The following RAB3IP variants were observed in gnomAD, a reference collection of about 807,000 sequenced individuals.
RAB3IP encodes RAB3A interacting protein, also known as rab-3A-interacting protein.
Under a neutral mutation model 59.1 loss-of-function variants are expected in RAB3IP, and 36 were observed. The ratio of observed to expected loss-of-function variants is 0.61; its 90% CI spans 0.47 to 0.80. RAB3IP has a LOEUF of 0.80. Among genes scored for constraint, RAB3IP ranks in the 30% least tolerant of loss-of-function variants. RAB3IP has a pLI of 0.00. For synonymous variants in RAB3IP, 207 were observed against 191.2 expected (o/e 1.08, Z -0.68); for missense variants, 511 against 536.0 (o/e 0.95, Z 0.46).
At chr12:69,756,821 G>A (rs911492618) in intron 3 of RAB3IP, among the ~76,000 whole-genome samples, 158 bp downstream of exon 3, 2 of 152,154 alleles carry the variant, frequency 1.3e-5, no homozygotes, top group Non-Finnish European at 2.9e-5. Context: ...TTAGGAATCC[G>A]TGAAACTGGT....
intron 3 of RAB3IP, among the ~76,000 whole-genome samples, chr12:69,762,756 CAAAAAAAAA>C (rs11445702): frequency 1.4e-4 from 11 of 76,768 alleles, no homozygotes; most frequent in Admixed American, 2.0e-4. Flanking sequence ...GACTCCGTCT[CAAAAAAAAA>C]AAAAAAAAAA....
In RAB3IP at chr12:69,812,844, CTAT is replaced by C. The variant is rs1417688054; in HGVS notation, c.1204_1206del (p.Tyr402del). On this transcript the variant is annotated inframe_deletion, in exon 9 of 11. Transcript: ENST00000247833. ...GAATTAAATTAGGGGACTCAAGCAACTATTATTATATTTCTCCTTTTTGCAGAT... is the reference window on the plus strand; with the variant it reads ...GAATTAAATTAGGGGACTCAAGCAACTATTATATTTCTCCTTTTTGCAGAT... The C allele has an allele frequency of 1.2e-6, 2 of 1,612,998 alleles. No individual in the cohort carries two copies. The highest frequency in any genetic ancestry group is 8.5e-7 in the Non-Finnish European group (1 of 1,179,022).
chr12:69,772,409 A>G (rs1409908571), intron 3 of RAB3IP, among the ~76,000 whole-genome samples: 2 of 152,176 alleles, frequency 1.3e-5, no homozygotes, highest in African/African-American at 4.8e-5. Context: ...TACATTCAAC[A>G]TAATTATTAA....
intron 8 of RAB3IP, among the ~76,000 whole-genome samples, chr12:69,809,719 CGTA>C (rs1880096853): frequency 6.6e-6 from 1 of 152,182 alleles, no homozygotes; most frequent in Non-Finnish European, 1.5e-5. Context: ...GCATTCGTCA[CGTA>C]GTTCTCATGC....
intron 3 of RAB3IP, among the ~76,000 whole-genome samples, chr12:69,767,267 C>G (rs1009375385): frequency 6.6e-6 from 1 of 152,124 alleles, no homozygotes; most frequent in African/African-American, 2.4e-5. Context: ...CTTCTTTCAG[C>G]AGGTTTTATA....
intron 3 of RAB3IP, among the ~76,000 whole-genome samples, chr12:69,769,686 C>G (rs1357380916): frequency 1.3e-5 from 2 of 152,194 alleles, no homozygotes; most frequent in East Asian, 1.9e-4. Flanking sequence ...AAGTACTCAA[C>G]AGCATTACAG....
chr12:69,765,949 T>C, intron 3 of RAB3IP, among the ~76,000 whole-genome samples: 1 of 152,254 alleles, frequency 6.6e-6, no homozygotes, highest in Non-Finnish European at 1.5e-5. Flanking sequence ...TTCTTTTCTT[T>C]CAGAATGCTG....
chr12:69,770,033 A>G (rs1287234289), intron 3 of RAB3IP, among the ~76,000 whole-genome samples: 1 of 149,792 alleles, frequency 6.7e-6, no homozygotes, highest in Non-Finnish European at 1.5e-5. Context: ...ACAGAAAGGC[A>G]CAAAAAAGCA....
At chr12:69,790,003 C>T (rs11177851) in intron 4 of RAB3IP, among the ~76,000 whole-genome samples, 50,226 of 151,944 alleles carry the variant, frequency 0.33, 8,616 homozygotes, top group Non-Finnish European at 0.37. Context: ...AAAGCTTTTC[C>T]TCTAAGATCT....
intron 4 of RAB3IP, among the ~76,000 whole-genome samples, chr12:69,793,961 A>C (rs1478595057): frequency 1.3e-5 from 2 of 152,190 alleles, no homozygotes; most frequent in African/African-American, 2.4e-5. Context: ...CACATAATAA[A>C]ATTTTGGGAA....
chr12:69,758,404 CT>C (rs1565879420), intron 3 of RAB3IP, among the ~76,000 whole-genome samples: 1 of 152,048 alleles, frequency 6.6e-6, no homozygotes, highest in South Asian at 2.1e-4. Flanking sequence ...TGTATCCTTT[CT>C]TTTGAATTAA....
intron 1 of RAB3IP, among the ~76,000 whole-genome samples, chr12:69,752,702 T>A (rs1300560401): frequency 6.6e-6 from 1 of 152,172 alleles, no homozygotes; most frequent in Non-Finnish European, 1.5e-5. Context: ...ACCTTCAGGA[T>A]ATAAAGAGGT....
intron 4 of RAB3IP, among the ~76,000 whole-genome samples, chr12:69,786,751 T>G (rs888042917): frequency 2.0e-5 from 3 of 152,012 alleles, no homozygotes; most frequent in Non-Finnish European, 4.4e-5. Flanking sequence ...GAAAGAAACT[T>G]CTCCCTGTAA....
chr12:69,798,910 T>C (rs797006171), intron 6 of RAB3IP, among the ~76,000 whole-genome samples: 1 of 152,182 alleles, frequency 6.6e-6, no homozygotes, highest in Non-Finnish European at 1.5e-5. Context: ...AAATTGGAGA[T>C]GTGACATCTC....
At chr12:69,804,515 C>A (rs893020879) in intron 8 of RAB3IP, among the ~76,000 whole-genome samples, 65 of 152,316 alleles carry the variant, frequency 4.3e-4, no homozygotes, top group African/African-American at 1.5e-3. Flanking sequence ...TCCCATTTGT[C>A]AATTTTGGCT....
chr12:69,746,680 T>G (rs563014474), intron 1 of RAB3IP, among the ~76,000 whole-genome samples: 8 of 152,332 alleles, frequency 5.3e-5, no homozygotes, highest in African/African-American at 1.9e-4. Context: ...ATAAATGTAT[T>G]TAATATGTAT....
chr12:69,775,284 G>A (rs1477497211), intron 3 of RAB3IP, among the ~76,000 whole-genome samples: 4 of 115,096 alleles, frequency 3.5e-5, no homozygotes, highest in Non-Finnish European at 7.0e-5. Flanking sequence ...CTTTGCTGAA[G>A]TTGCTTATCA....
chr12:69,803,026 T>C (rs1878635726), intron 8 of RAB3IP, among the ~76,000 whole-genome samples: 1 of 152,236 alleles, frequency 6.6e-6, no homozygotes, highest in Non-Finnish European at 1.5e-5. Flanking sequence ...GCAGTTTTCT[T>C]ATTTTTAAGG....
chr12:69,790,543 A>G (rs999724713), intron 4 of RAB3IP, among the ~76,000 whole-genome samples: 1 of 152,168 alleles, frequency 6.6e-6, no homozygotes, highest in Non-Finnish European at 1.5e-5. Flanking sequence ...TTACAGAAGT[A>G]GGAAGTTCAT....
Sources: gnomAD v4.1 joint callset for allele counts (sites outside exome capture counted in the v4.1 genomes callset) on GRCh38, gnomAD v4.1.1 for gene constraint, MANE v1.5 for transcripts, NCBI Gene and HGNC (gene_info 2026-07-23, HGNC 2026-07-21) for gene names.